Variants in MRPL28 observed in about 807,000 individuals in gnomAD.
MRPL28 encodes large ribosomal subunit protein bL28m.
A neutral mutation model predicts 26.2 loss-of-function variants in MRPL28; 25 were observed. The observed-to-expected ratio is 0.95, with a 90% CI of 0.69 to 1.33. The LOEUF is 1.33. Among genes scored for constraint, MRPL28 ranks in the 40% most tolerant of loss-of-function variants. The pLI is 0.00. For missense variants in MRPL28, 432 were observed against 327.2 expected (o/e 1.32, Z -2.47); for synonymous variants, 227 against 140.1 (o/e 1.62, Z -4.38).
chr16:368,484 G>C lies in MRPL28; in HGVS notation c.576+17C>G. On this transcript the variant is annotated intron_variant, in intron 4 of 5. Transcript: ENST00000199706. ...CCACGAGTCCCCAGGTGTAGGGAGC[G>C]GGACGGAAACCCTCACCTTGTACTT... 1.9e-6 allele frequency: 3 copies of C among 1,609,896 alleles called. No individual in the cohort carries two copies. Among genetic ancestry groups the C allele is most frequent in the Non-Finnish European group, 2.5e-6 (3 of 1,177,584 alleles).
Position 367,747 on chromosome 16 carries a change from C to G in MRPL28, c.699G>C (p.Glu233Asp), listed in dbSNP as rs751948314. The G allele has an allele frequency of 6.2e-7, 1 of 1,613,850 alleles. No homozygotes were observed. Among genetic ancestry groups the G allele is most frequent in the South Asian group, 1.1e-5 (1 of 91,090 alleles). Residue 233 changes from glutamate (E) to aspartate (D), a missense_variant, in exon 6 of 6, where the codon GAG becomes GAC. Transcript: ENST00000199706. ...PVPLFKIYVAELIQQLQQQAL... is the reference protein window; with the variant it reads ...PVPLFKIYVADLIQQLQQQAL... ...CCTGCTGCTGCAGCTGCTGGATCAG[C>G]TCCGCCACATAGATCTTGAACAGGG...
At chr16:369,342 G>C in intron 2 of MRPL28, 122 bp from the exon 3 acceptor site, 11 of 1,312,414 alleles carry the variant, frequency 8.4e-6, no homozygotes, top group Non-Finnish European at 1.2e-5. Flanking sequence ...CTGTCAGACT[G>C]GGGACCTAGA....
intron 3 of MRPL28, chr16:368,836 G>C (rs766911253): frequency 9.9e-7 from 1 of 1,007,106 alleles, no homozygotes; most frequent in Non-Finnish European, 1.4e-6. Flanking sequence ...GGGCGGCTGT[G>C]CTCGCTCAGG....
rs2054274717 is a variant in MRPL28 at position 367,855 on chromosome 16, A to G, written c.664-73T>C. The G allele has an allele frequency of 3.0e-6, 4 of 1,320,876 alleles. No individual in the cohort carries two copies. In the South Asian group the frequency reaches 4.9e-5, roughly 16 times the overall value. 81.8% of individuals were successfully genotyped at this position (1,320,876 alleles called of 1,614,324 possible). On this transcript the variant is annotated intron_variant, in intron 5 of 5. Transcript: ENST00000199706. ...CTGGAGTTCCGACGGGGATGGGATC[A>G]GCAGCTGCCGCCCAGAGGAACCGGG...
Position 370,228 on chromosome 16 carries a change from G to A in MRPL28, c.-7-3C>T, listed in dbSNP as rs964377106. On this transcript the variant is annotated splice_region_variant and splice_polypyrimidine_tract_variant and intron_variant, in intron 1 of 5. Coordinates refer to ENST00000199706, the MANE Select transcript of MRPL28 (RefSeq NM_006428.5). ...ACTTGTGTAGAGGCATCGCGAGCCT[G>A]GCGGGAGGTGGGGGCTCGCAGTCAG... The A allele has an allele frequency of 3.2e-6, 5 of 1,562,234 alleles. No individual in the cohort carries two copies. In the African/African-American group the frequency reaches 4.1e-5, roughly 13 times the overall value.
chr16:368,789 G>A, intron 3 of MRPL28, 154 bp from the exon 4 acceptor site: 2 of 1,250,132 alleles, frequency 1.6e-6, no homozygotes, highest in Admixed American at 2.8e-5. Context: ...CCTGGGGGGT[G>A]GGATCAGCAC....
Position 367,490 on chromosome 16 carries a change from C to G in MRPL28, c.*185G>C, listed in dbSNP as rs1410307458. 2.8e-6 allele frequency: 2 copies of G among 723,146 alleles called. No homozygotes were observed. Among genetic ancestry groups the G allele is most frequent in the Admixed American group, 4.1e-5 (2 of 49,316 alleles). 44.8% of individuals were successfully genotyped at this position (723,146 alleles called of 1,614,324 possible). ...AGCCTGAGAGGAGCCTCTGGGCGGC[C>G]CAGGCCTCCTGGGGATCCCTGCCAA... On this transcript the variant is annotated 3_prime_UTR_variant, in exon 6 of 6. Coordinates refer to ENST00000199706, the MANE Select transcript of MRPL28 (RefSeq NM_006428.5).
chr16:368,936 C>G, intron 3 of MRPL28, 132 bp downstream of exon 3: 1 of 1,200,600 alleles, frequency 8.3e-7, no homozygotes, highest in Non-Finnish European at 1.2e-6. Context: ...GGCATGGCCC[C>G]ACTCACGCTT....
rs577792200 is a variant in MRPL28, at chr16:369,307, C to A, written c.289-87G>T. 12 of 1,508,252 alleles carry A rather than the reference C, an allele frequency of 8.0e-6. No homozygotes were observed. The East Asian group carries it at 9.1e-5, about 11-fold the overall frequency. The allele number at this position is 1,508,252 out of a possible 1,614,324, so 93.4% of individuals were successfully genotyped here. A position where few individuals can be genotyped will look rare whatever the true frequency, so the allele number is the denominator to read the frequency against. Reference sequence around the variant, plus strand: ...CAGGCAACTGCCCTCACCTCCCCCCCGGAGGCTCCATCACAGAACCACTGC... The same window carrying A: ...CAGGCAACTGCCCTCACCTCCCCCCAGGAGGCTCCATCACAGAACCACTGC... On this transcript the variant is annotated intron_variant, in intron 2 of 5. Transcript: ENST00000199706.
Position 370,150 on chromosome 16 carries a change from G to T in MRPL28, c.69C>A (p.Arg23=), listed in dbSNP as rs763525804. The change falls in exon 2 of 6, where the codon CGC becomes CGA. Residue 23 remains arginine (R), a synonymous_variant. Transcript: ENST00000199706. The part of the protein sequence containing the change: ...RLQLREGICS[R]LPGHYLRSLE... ...GGGAGCGCAGGTAGTGGCCGGGCAG[G>T]CGGGAACAGATGCCCTCCCGCAGCT... is the stretch of plus-strand genomic sequence containing the variant. 6.2e-7 allele frequency: 1 copy of T among 1,603,098 alleles called. No individual in the cohort carries two copies. The highest frequency in any genetic ancestry group is 1.7e-5 in the Admixed American group (1 of 58,940).
In MRPL28 at chr16:367,535, G is replaced by A; in HGVS notation, c.*140C>T. The A allele has an allele frequency of 1.2e-6, 1 of 800,998 alleles. No individual in the cohort carries two copies. Among genetic ancestry groups the A allele is most frequent in the Non-Finnish European group, 2.1e-6 (1 of 468,796 alleles). 49.6% of individuals were successfully genotyped at this position (800,998 alleles called of 1,614,324 possible). A position where few individuals can be genotyped will look rare whatever the true frequency, so the allele number is the denominator to read the frequency against. On this transcript the variant is annotated 3_prime_UTR_variant, in exon 6 of 6. Coordinates refer to ENST00000199706, the MANE Select transcript of MRPL28 (RefSeq NM_006428.5). ...TGCCAAGCTGGCCCCGGGCTGGAAG[G>A]TGCATGGGCAGCACACGAAACCAGG...
In MRPL28 at chr16:369,226, G is replaced by A. The variant is rs1486204306; in HGVS notation, c.289-6C>T. On this transcript the variant is annotated splice_region_variant and splice_polypyrimidine_tract_variant and intron_variant, in intron 2 of 5. Coordinates refer to ENST00000199706, the MANE Select transcript of MRPL28 (RefSeq NM_006428.5). ...TTCTTCAGCCTCTTGGAGAGCTGAG[G>A]GTGCAACAGAGCCTCCATGAGTACT... is the stretch of plus-strand genomic sequence containing the variant. The A allele has an allele frequency of 6.8e-6, 11 of 1,613,502 alleles. No homozygotes were observed. Among genetic ancestry groups the A allele is most frequent in the South Asian group, 5.5e-5 (5 of 91,076 alleles).
intron 2 of MRPL28, chr16:369,668 TC>T: frequency 1.4e-6 from 1 of 722,226 alleles, no homozygotes; most frequent in Non-Finnish European, 2.6e-6. Context: ...ACAGGCCTCC[TC>T]CCCATCCTAA....
At position 368,291 on chromosome 16, in the gene MRPL28, C is replaced by G. The variant is rs199705632; in HGVS notation, c.663+37G>C. The G allele has an allele frequency of 3.5e-4, 559 of 1,606,524 alleles. 1 individual carries two copies. Among genetic ancestry groups the G allele is most frequent in the Middle Eastern group, 9.9e-4 (6 of 6,038 alleles). The stretch of plus-strand genomic sequence containing the variant: ...ACTCCCAGACCCTGAACACCAGGCT[C>G]TGGGCAGGCAGCATCGGCTGGTGCT... On this transcript the variant is annotated intron_variant, in intron 5 of 5. Coordinates refer to ENST00000199706, the MANE Select transcript of MRPL28 (RefSeq NM_006428.5).
chr16:369,117 G>A lies in MRPL28; in HGVS notation c.392C>T (p.Thr131Ile), dbSNP rs778030988. The A allele has an allele frequency of 2.4e-5, 39 of 1,613,898 alleles. No homozygotes were observed. Among genetic ancestry groups the A allele is most frequent in the Non-Finnish European group, 3.3e-5 (39 of 1,179,956 alleles). The change falls in exon 3 of 6, where the codon ACC (threonine) becomes ATC (isoleucine). Residue 131 changes from threonine to isoleucine, a missense_variant. Transcript: ENST00000199706. Reference sequence around the variant, plus strand: ...ATAAGCCTCATCGATGAGGTCCAGGGTCCGCATGGTCACAGTCACTGTGAA... The same window carrying A: ...ATAAGCCTCATCGATGAGGTCCAGGATCCGCATGGTCACAGTCACTGTGAA... ...KKFTVTVTMRTLDLIDEAYGL... is the reference protein window; with the variant it reads ...KKFTVTVTMRILDLIDEAYGL...
chr16:369,549 C>T, intron 2 of MRPL28: 2 of 704,110 alleles, frequency 2.8e-6, no homozygotes, highest in Non-Finnish European at 5.3e-6. Context: ...CACAAGTCTC[C>T]CCACAGGCTT....
rs1567319452 is a variant in MRPL28, at chr16:369,599, A to AGCTCTGCTTGCCTCCCCGACCT, written c.288+331_288+332insAGGTCGGGGAGGCAAGCAGAGC. 1.1e-5 allele frequency: 7 copies of AGCTCTGCTTGCCTCCCCGACCT among 615,106 alleles called. No homozygotes were observed. The African/African-American group carries it at 1.8e-4, about 16-fold the overall frequency. 38.1% of individuals were successfully genotyped at this position (615,106 alleles called of 1,614,324 possible). A position where few individuals can be genotyped will look rare whatever the true frequency, so the allele number is the denominator to read the frequency against. ...GGAAGTCCACCACAAGCAGCCTCGA[A>AGCTCTGCTTGCCTCCCCGACCT]GCTCTGCTCGCCTCCCCCACCTGCT... On this transcript the variant is annotated intron_variant, in intron 2 of 5. Transcript: ENST00000199706.
chr16:367,960 T>C (rs2054275638), intron 5 of MRPL28, among the ~76,000 whole-genome samples, 178 bp from the exon 6 acceptor site: 1 of 152,184 alleles, frequency 6.6e-6, no homozygotes, highest in South Asian at 2.1e-4. Flanking sequence ...GGCACACACA[T>C]ACCCCTGTCC....
Position 370,523 on chromosome 16 carries a change from A to C in MRPL28, c.-32T>G. The C allele has an allele frequency of 1.1e-6, 1 of 940,084 alleles. No individual in the cohort carries two copies. The highest frequency in any genetic ancestry group is 1.2e-6 in the Non-Finnish European group (1 of 816,050). The allele number at this position is 940,084 out of a possible 1,614,324, so 58.2% of individuals were successfully genotyped here. On this transcript the variant is annotated 5_prime_UTR_variant, in exon 1 of 6. Coordinates refer to ENST00000199706, the MANE Select transcript of MRPL28 (RefSeq NM_006428.5). ...CCTTTCAGGGTTCAGAGCCCACCGGAACCGGAAGCCGATCTGCCGCGCCTG... is the reference window on the plus strand; with the variant it reads ...CCTTTCAGGGTTCAGAGCCCACCGGCACCGGAAGCCGATCTGCCGCGCCTG...
Sources: gnomAD v4.1 joint callset for allele counts (sites outside exome capture counted in the v4.1 genomes callset) on GRCh38, gnomAD v4.1.1 for gene constraint, MANE v1.5 for transcripts, NCBI Gene and HGNC (gene_info 2026-07-23, HGNC 2026-07-21) for gene names.